The following WDR11 variants were observed in gnomAD, a reference collection of about 807,000 sequenced individuals.
WDR11 encodes WD repeat-containing protein 11.
Under a neutral mutation model 151.2 loss-of-function variants are expected in WDR11, and 83 were observed. The ratio of observed to expected loss-of-function variants is 0.55; its 90% confidence interval spans 0.46 to 0.66. The LOEUF is 0.66. Ranked by LOEUF, WDR11 falls within the 30% of genes least tolerant of loss-of-function variation. The pLI, the probability that WDR11 is intolerant of heterozygous loss-of-function variation, is 0.00. For synonymous variants in WDR11, 484 were observed against 533.1 expected (o/e 0.91, Z 1.27); for missense variants, 1,301 against 1,480.9 (o/e 0.88, Z 1.99).
chr10:120,879,249 G>T (rs1408655866), intron 12 of WDR11: 1 of 152,152 alleles, frequency 6.6e-6, no homozygotes, highest in Non-Finnish European at 1.5e-5. Flanking sequence ...GAAGTACATG[G>T]TTGCTTTTTT....
chr10:120,894,287 TC>T (rs1467266360), intron 19 of WDR11, among the ~76,000 whole-genome samples: 2 of 152,170 alleles, frequency 1.3e-5, no homozygotes, highest in African/African-American at 4.8e-5. Context: ...AGCACATTTT[TC>T]CTAAGTAAGC....
intron 2 of WDR11, among the ~76,000 whole-genome samples, chr10:120,852,987 G>A (rs1845831877): frequency 6.6e-6 from 1 of 152,232 alleles, no homozygotes; most frequent in African/African-American, 2.4e-5. Context: ...AGTGTGATAA[G>A]TGAGACTTGC....
At chr10:120,901,610 T>TTGTA (rs1847819062) in intron 21 of WDR11, among the ~76,000 whole-genome samples, 1 of 152,246 alleles carries the variant, frequency 6.6e-6, no homozygotes, top group Non-Finnish European at 1.5e-5. Context: ...CAAGGAGTTC[T>TTGTA]TGGGGAAAGC....
Position 120,860,209 on chromosome 10 carries a change from A to G in WDR11, c.453A>G (p.Lys151=). ...IVLWNADTGT[K]LWKKSYADNI... is the part of the protein sequence containing the mutation. ...TCTGGAATGCCGACACTGGCACCAA[A>G]CTATGGAAGAAGAGCTATGCAGATA... The change falls in exon 4 of 29, where the codon AAA becomes AAG. Residue 151 remains lysine, a synonymous_variant. Coordinates refer to ENST00000263461, the MANE Select transcript of WDR11 (RefSeq NM_018117.12). 1 of 1,614,166 alleles carries G rather than the reference A, an allele frequency of 6.2e-7. No individual in the cohort carries two copies.
intron 2 of WDR11, among the ~76,000 whole-genome samples, chr10:120,857,758 A>G (rs552084895): frequency 6.6e-6 from 1 of 152,298 alleles, no homozygotes; most frequent in African/African-American, 2.4e-5. Context: ...GTATTTATAG[A>G]TTTGTGGTAT....
intron 2 of WDR11, among the ~76,000 whole-genome samples, chr10:120,857,081 T>A (rs1012286385): frequency 6.6e-6 from 1 of 151,936 alleles, no homozygotes; most frequent in Non-Finnish European, 1.5e-5. Flanking sequence ...GATTATCACA[T>A]ATATATATAT....
At chr10:120,905,535 T>C in intron 26 of WDR11, 119 bp downstream of exon 26, 4 of 1,033,872 alleles carry the variant, frequency 3.9e-6, no homozygotes, top group Non-Finnish European at 6.0e-6. Context: ...TTGCAAATAC[T>C]GTCTTGGAAC....
intron 11 of WDR11, among the ~76,000 whole-genome samples, chr10:120,875,978 CTTTTTTTT>C (rs67775105): frequency 4.1e-5 from 5 of 122,812 alleles, no homozygotes; most frequent in African/African-American, 1.6e-4. Context: ...CCTTTTTTTT[CTTTTTTTT>C]TTTTTTTTTG....
At chr10:120,889,440 C>T (rs934626489) in intron 17 of WDR11, 32 of 427,476 alleles carry the variant, frequency 7.5e-5, no homozygotes, top group Non-Finnish European at 1.1e-4. Flanking sequence ...CGGGATTTCA[C>T]CATGTTAGCC....
At chr10:120,862,011 T>A (rs1053779244) in intron 4 of WDR11, among the ~76,000 whole-genome samples, 62 of 152,302 alleles carry the variant, frequency 4.1e-4, no homozygotes, top group African/African-American at 1.5e-3. Flanking sequence ...AGGATAAAAA[T>A]TTGGTATCAT....
intron 11 of WDR11, 146 bp downstream of exon 11, chr10:120,874,069 A>T (rs372792463): frequency 1.6e-6 from 1 of 642,552 alleles, no homozygotes; most frequent in Admixed American, 2.2e-5. Flanking sequence ...ACTAATGGCT[A>T]TGTTAATCAA....
intron 6 of WDR11, 124 bp downstream of exon 6, chr10:120,865,336 C>T (rs551832385): frequency 1.0e-6 from 1 of 997,834 alleles, no homozygotes; most frequent in Admixed American, 2.3e-5. Context: ...TATCAAAAGA[C>T]TAGCAACACT....
chr10:120,901,895 A>G (rs1444372876), intron 21 of WDR11, among the ~76,000 whole-genome samples: 1 of 152,230 alleles, frequency 6.6e-6, no homozygotes, highest in African/African-American at 2.4e-5. Context: ...AGAATAAATT[A>G]CGAATGTCAT....
At chr10:120,887,937 T>G (rs1978874) in intron 16 of WDR11, among the ~76,000 whole-genome samples, 10,250 of 38,510 alleles carry the variant, frequency 0.27, 1,178 homozygotes, top group African/African-American at 0.52. Flanking sequence ...TCTTTAATAT[T>G]TTTTTTTATT....
Position 120,904,058 on chromosome 10 carries a change from A to G in WDR11, c.2943A>G (p.Leu981=). ...CENAYFQKFQ[L]ERVNLQEVKR... is the part of the protein sequence containing the mutation. ...TTTTCCAATTCTAGAAATTTCAGCT[A>G]GAAAGGGTTAATCTGCAGGAAGTGA... Residue 981 remains leucine (L), a synonymous_variant, in exon 24 of 29, where the codon CTA becomes CTG. Transcript: ENST00000263461. 1 of 1,610,584 alleles carries G rather than the reference A, an allele frequency of 6.2e-7. No homozygotes were observed. The highest frequency in any genetic ancestry group is 8.5e-7 in the Non-Finnish European group (1 of 1,177,218).
chr10:120,856,911 C>G (rs1439228133), intron 2 of WDR11, among the ~76,000 whole-genome samples: 1 of 152,088 alleles, frequency 6.6e-6, no homozygotes, highest in East Asian at 1.9e-4. Context: ...ACTTTGTTTG[C>G]TCCTAGGGGT....
rs1848174518 is a variant in WDR11 at position 120,908,761 on chromosome 10, GGGCTGGTCT to G, written c.*54_*62del. On this transcript the variant is annotated 3_prime_UTR_variant, in exon 29 of 29. Transcript: ENST00000263461. ...TCTGACCTGGAAGGCAGATGGGAGG[GGGCTGGTCT>G]GGCTGTGGCCACCGTCACAGTCCAG... The G allele has an allele frequency of 1.2e-6, 2 of 1,608,430 alleles. No homozygotes were observed. The highest frequency in any genetic ancestry group is 1.1e-5 in the South Asian group (1 of 90,892).
At chr10:120,888,573 A>T (rs552969164) in intron 16 of WDR11, among the ~76,000 whole-genome samples, 1 of 152,360 alleles carries the variant, frequency 6.6e-6, no homozygotes, top group East Asian at 1.9e-4. Context: ...GCCTTTAGTA[A>T]ACAGCATCTC....
chr10:120,863,333 C>G (rs1225672490), intron 5 of WDR11, among the ~76,000 whole-genome samples: 1 of 152,136 alleles, frequency 6.6e-6, no homozygotes, highest in African/African-American at 2.4e-5. Flanking sequence ...TTTTCTTATG[C>G]AGGTGAAGAT....
Sources: gnomAD v4.1 joint callset for allele counts (sites outside exome capture counted in the v4.1 genomes callset) on GRCh38, gnomAD v4.1.1 for gene constraint, MANE v1.5 for transcripts, NCBI Gene and HGNC (gene_info 2026-07-23, HGNC 2026-07-21) for gene names.